Variants in IFT81 observed in about 807,000 individuals in gnomAD.
The protein encoded by IFT81 is intraflagellar transport protein 81 homolog.
A neutral mutation model predicts 102.6 loss-of-function variants in IFT81; 72 were observed. The ratio of observed to expected loss-of-function variants is 0.70; its 90% CI spans 0.58 to 0.85. The LOEUF is 0.85. Ranked by LOEUF, IFT81 falls within the 40% of genes least tolerant of loss-of-function variation. The pLI is 0.00. For missense variants in IFT81, 723 were observed against 787.3 expected (o/e 0.92, Z 0.98); for synonymous variants, 237 against 242.7 (o/e 0.98, Z 0.22).
chr12:110,152,278 A>G (rs949023456), intron 10 of IFT81, among the ~76,000 whole-genome samples: 4 of 152,202 alleles, frequency 2.6e-5, no homozygotes, highest in African/African-American at 7.2e-5. Flanking sequence ...TCCACAGTGT[A>G]CCAGAGTTCC....
chr12:110,197,955 G>A (rs1396403311), intron 14 of IFT81, among the ~76,000 whole-genome samples: 2 of 151,904 alleles, frequency 1.3e-5, no homozygotes, highest in Non-Finnish European at 2.9e-5. Context: ...TAGGTGATCC[G>A]CCCGCCTCAG....
rs190048981 is a variant in IFT81 at position 110,203,127 on chromosome 12, A to T, written c.1558-737A>T. On this transcript the variant is annotated intron_variant, in intron 14 of 18. Coordinates refer to ENST00000242591, the MANE Select transcript of IFT81 (RefSeq NM_014055.4). ...CTAAAAATATAAAAATTAGCCAGGC[A>T]TGGTGGCACATGCCTGTAATCCCAG... 1.2e-3 allele frequency among the ~76,000 whole-genome samples: 186 copies of T among 152,234 alleles called. 1 individual carries two copies. Among genetic ancestry groups the T allele is most frequent in the Middle Eastern group, 6.8e-3 (2 of 294 alleles).
At chr12:110,128,182 A>G in intron 3 of IFT81, 33 bp downstream of exon 3, 1 of 1,368,508 alleles carries the variant, frequency 7.3e-7, no homozygotes, top group Admixed American at 1.7e-5. Flanking sequence ...AGTTTTTAAA[A>G]TTATGCTTTA....
chr12:110,211,929 TA>T (rs1869503745), intron 18 of IFT81, among the ~76,000 whole-genome samples: 1 of 152,328 alleles, frequency 6.6e-6, no homozygotes, highest in South Asian at 2.1e-4. Context: ...CTGAAACCTG[TA>T]AATGATTATA....
rs139578443 is a variant in IFT81, at chr12:110,135,640, G to A, written c.696+203G>A. Among the ~76,000 whole-genome samples, 2,575 of 152,086 alleles carry A rather than the reference G, an allele frequency of 0.017. 74 individuals are homozygous for A. Among genetic ancestry groups the A allele is most frequent in the African/African-American group, 0.058 (2,420 of 41,492 alleles). On this transcript the variant is annotated intron_variant, in intron 7 of 18. Transcript: ENST00000242591. ...TCCCAGCACTTTGGGAGGCTGAGGC[G>A]GGCGAATCAGGAGGTCAGGAGTTCA...
intron 10 of IFT81, among the ~76,000 whole-genome samples, chr12:110,158,704 C>T (rs1487118859): frequency 6.6e-6 from 1 of 152,188 alleles, no homozygotes; most frequent in Non-Finnish European, 1.5e-5. Context: ...ATTCTCCTGC[C>T]TCAGCCTCCC....
chr12:110,128,906 C>A, intron 3 of IFT81, 44 bp from the exon 4 acceptor site: 1 of 1,461,024 alleles, frequency 6.8e-7, no homozygotes, highest in Non-Finnish European at 9.4e-7. Context: ...TCAAAGTTTA[C>A]CGTTAAGTGC....
chr12:110,207,755 G>C (rs983104119), intron 17 of IFT81, among the ~76,000 whole-genome samples: 1 of 151,852 alleles, frequency 6.6e-6, no homozygotes, highest in Non-Finnish European at 1.5e-5. Flanking sequence ...AGTAGAGACA[G>C]GGTTTCACCG....
chr12:110,209,015 A>G (rs1382739167), intron 17 of IFT81, among the ~76,000 whole-genome samples, 156 bp from the exon 18 acceptor site: 1 of 152,136 alleles, frequency 6.6e-6, no homozygotes, highest in Non-Finnish European at 1.5e-5. Context: ...AAAGATGGGG[A>G]AAGACAAAGA....
chr12:110,209,035 T>C (rs536149527), intron 17 of IFT81, 136 bp from the exon 18 acceptor site: 1 of 413,674 alleles, frequency 2.4e-6, no homozygotes, highest in African/African-American at 2.1e-5. Context: ...AATTTTATAA[T>C]GGGTTTCATT....
At chr12:110,203,824 T>C (rs1024340289) in intron 14 of IFT81, 40 bp from the exon 15 acceptor site, 1 of 1,373,546 alleles carries the variant, frequency 7.3e-7, no homozygotes, top group Non-Finnish European at 1.0e-6. Context: ...TTGGGACCTT[T>C]GTTTTTCACT....
chr12:110,130,619 C>G (rs925052204), intron 4 of IFT81, among the ~76,000 whole-genome samples: 2 of 151,962 alleles, frequency 1.3e-5, no homozygotes. Flanking sequence ...CTGCCCACCT[C>G]GGGTTCCAAA....
intron 7 of IFT81, 78 bp from the exon 8 acceptor site, chr12:110,136,698 G>T: frequency 1.4e-6 from 1 of 722,830 alleles, no homozygotes; most frequent in East Asian, 2.9e-5. Context: ...TATGGAACTT[G>T]TATTTTTCAT....
At position 110,137,301 on chromosome 12, in the gene IFT81, C is replaced by G. The variant is rs138885956; in HGVS notation, c.781+441C>G. ...GTTGCAGTGAGCCGAGACCGCGCCA[C>G]TGCAGCCCAGCCTGGGCGACAGAGC... On this transcript the variant is annotated intron_variant, in intron 8 of 18. Coordinates refer to ENST00000242591, the MANE Select transcript of IFT81 (RefSeq NM_014055.4). 1.8e-3 allele frequency among the ~76,000 whole-genome samples: 278 copies of G among 151,906 alleles called. 2 individuals carry two copies. The highest frequency in any genetic ancestry group is 3.4e-3 in the Middle Eastern group (1 of 290).
At chr12:110,206,874 A>G (rs1868701156) in intron 17 of IFT81, among the ~76,000 whole-genome samples, 1 of 152,162 alleles carries the variant, frequency 6.6e-6, no homozygotes, top group Admixed American at 6.5e-5. Context: ...ATATAAATCT[A>G]TATGGCCAAT....
intron 11 of IFT81, among the ~76,000 whole-genome samples, chr12:110,173,091 C>T (rs1896840267): frequency 6.7e-6 from 1 of 148,364 alleles, no homozygotes; most frequent in Non-Finnish European, 1.5e-5. Flanking sequence ...TCTGCCCGAC[C>T]AGCCGCCCCA....
At chr12:110,191,134 C>A in intron 13 of IFT81, 86 bp downstream of exon 13, 17 of 1,118,124 alleles carry the variant, frequency 1.5e-5, no homozygotes, top group Non-Finnish European at 1.8e-5. Context: ...GTGAAACATT[C>A]ACCTGTTAAT....
intron 14 of IFT81, among the ~76,000 whole-genome samples, chr12:110,201,171 G>A (rs1898246628): frequency 1.3e-5 from 2 of 152,052 alleles, no homozygotes; most frequent in African/African-American, 4.8e-5. Context: ...GGGAGGCCAA[G>A]GCGAGCAGAT....
chr12:110,188,282 A>C (rs1897634061), intron 12 of IFT81, among the ~76,000 whole-genome samples: 1 of 151,390 alleles, frequency 6.6e-6, no homozygotes. Flanking sequence ...CAGTGAGCCG[A>C]GATCGTGCCA....
Sources: gnomAD v4.1 joint callset for allele counts (sites outside exome capture counted in the v4.1 genomes callset) on GRCh38, gnomAD v4.1.1 for gene constraint, MANE v1.5 for transcripts, NCBI Gene and HGNC (gene_info 2026-07-23, HGNC 2026-07-21) for gene names.